Variants in OR51B5 observed in about 807,000 individuals in gnomAD.
The protein encoded by OR51B5 is olfactory receptor family 51 subfamily B member 5, also known as olfactory receptor 51B5.
For synonymous variants in OR51B5, 186 were observed against 144.8 expected, an observed-to-expected ratio of 1.28 and a Z score of -2.04; for missense variants, 456 against 374.6, an observed-to-expected ratio of 1.22 and a Z score of -1.79.
At chr11:5,370,709 C>A (rs576932922) in intron 1 of OR51B5, among the ~76,000 whole-genome samples, 2 of 151,998 alleles carry the variant, frequency 1.3e-5, no homozygotes, top group Admixed American at 6.6e-5. Flanking sequence ...ATTCTCTGTT[C>A]CTATGAAGCT....
In OR51B5 at chr11:5,472,618, G is replaced by A. The variant is rs189662888; in HGVS notation, n.84+32951C>T. Among the ~76,000 whole-genome samples the A allele has an allele frequency of 3.9e-3, 599 of 152,336 alleles. 13 individuals are homozygous for A. Among genetic ancestry groups the A allele is most frequent in the Admixed American group, 0.036 (556 of 15,308 alleles). On this transcript the variant is annotated intron_variant and non_coding_transcript_variant, in intron 1 of 4. Transcript: ENST00000415970. Reference sequence around the variant, plus strand: ...AAAATCTTGAGTGAAGGACTCCTCTGTGCTCTGCCATTTCTCCCACTTAGA... The same window carrying A: ...AAAATCTTGAGTGAAGGACTCCTCTATGCTCTGCCATTTCTCCCACTTAGA...
intron 1 of OR51B5, among the ~76,000 whole-genome samples, chr11:5,412,150 A>G (rs961794324): frequency 7.9e-5 from 12 of 152,340 alleles, no homozygotes; most frequent in African/African-American, 2.9e-4. Flanking sequence ...AAGGGACATT[A>G]CACTCTGTGG....
intron 1 of OR51B5, chr11:5,469,510 A>G (rs1298497479): frequency 6.6e-6 from 1 of 152,180 alleles, no homozygotes; most frequent in Non-Finnish European, 1.5e-5. Flanking sequence ...AGTGGTTGAT[A>G]TCTAAAACTA....
chr11:5,451,064 C>T (rs574751460), intron 1 of OR51B5, among the ~76,000 whole-genome samples: 23 of 152,284 alleles, frequency 1.5e-4, no homozygotes, highest in South Asian at 1.0e-3. Flanking sequence ...AAGTATTAAA[C>T]GAGAAAATAA....
intron 1 of OR51B5, among the ~76,000 whole-genome samples, chr11:5,381,536 TGAACAATC>T (rs1420898962): frequency 6.6e-6 from 1 of 152,224 alleles, no homozygotes; most frequent in Non-Finnish European, 1.5e-5. Context: ...GAAACTTCGT[TGAACAATC>T]TAACATCTTT....
intron 1 of OR51B5, among the ~76,000 whole-genome samples, chr11:5,364,765 G>A (rs1031584967): frequency 1.3e-5 from 2 of 152,042 alleles, no homozygotes. Context: ...TTGTTTACAG[G>A]GTCCCCCCAC....
chr11:5,358,928 T>G (rs919052855), intron 1 of OR51B5, among the ~76,000 whole-genome samples: 10 of 151,664 alleles, frequency 6.6e-5, no homozygotes, highest in African/African-American at 2.4e-4. Flanking sequence ...AAAAGGCCTT[T>G]GACAAAATTC....
At chr11:5,427,605 C>A (rs752100978) in intron 1 of OR51B5, among the ~76,000 whole-genome samples, 5 of 152,092 alleles carry the variant, frequency 3.3e-5, no homozygotes, top group Non-Finnish European at 7.4e-5. Flanking sequence ...GAAGTGACGA[C>A]AATCCAGTAG....
chr11:5,351,456 G>T, intron 1 of OR51B5: 2 of 1,429,840 alleles, frequency 1.4e-6, no homozygotes, highest in East Asian at 2.3e-5. Flanking sequence ...TTATACAACT[G>T]ATTACTATTG....
chr11:5,412,501 G>A (rs560197591), intron 1 of OR51B5, among the ~76,000 whole-genome samples: 96 of 152,312 alleles, frequency 6.3e-4, no homozygotes, highest in Non-Finnish European at 1.1e-3. Flanking sequence ...TGCCTCACTC[G>A]GGAAGCGCAA....
At chr11:5,441,940 A>C (rs889316204) in intron 1 of OR51B5, among the ~76,000 whole-genome samples, 1 of 152,148 alleles carries the variant, frequency 6.6e-6, no homozygotes, top group African/African-American at 2.4e-5. Context: ...CAGCCTCCCA[A>C]TCCCAATGGC....
Position 5,359,724 on chromosome 11 carries a change from C to G in OR51B5, n.85-12814G>C, listed in dbSNP as rs376613552. On this transcript the variant is annotated intron_variant and non_coding_transcript_variant, in intron 1 of 4. Transcript: ENST00000415970. The stretch of plus-strand genomic sequence containing the variant: ...CAAAAGAACAAAGCTGGAGGCATCA[C>G]GCTACCTGACTTCAAACTATACTAC... 1.0e-3 allele frequency among the ~76,000 whole-genome samples: 154 copies of G among 150,604 alleles called. 2 individuals are homozygous for G. In the South Asian group the frequency reaches 0.022, roughly 21 times the overall value.
In OR51B5 at chr11:5,361,507, TA is replaced by T. The variant is rs576526919; in HGVS notation, n.85-14598del. Among the ~76,000 whole-genome samples the T allele has an allele frequency of 1.2e-3, 183 of 152,314 alleles. 1 individual carries two copies. The highest frequency in any genetic ancestry group is 4.2e-3 in the African/African-American group (173 of 41,570). On this transcript the variant is annotated intron_variant and non_coding_transcript_variant, in intron 1 of 4. Coordinates refer to the OR51B5 transcript ENST00000415970. The stretch of plus-strand genomic sequence containing the variant: ...ATGAACAGACTTATGAACAGGTCGG[TA>T]AAGAACTCCAGTGTGTCTTGGCCTA...
chr11:5,486,944 C>T (rs998402542), intron 1 of OR51B5, among the ~76,000 whole-genome samples: 2 of 152,070 alleles, frequency 1.3e-5, no homozygotes, highest in African/African-American at 4.8e-5. Flanking sequence ...AAGGGGACTT[C>T]CTAATTCCAC....
At chr11:5,434,508 T>A (rs1780834337) in intron 1 of OR51B5, among the ~76,000 whole-genome samples, 1 of 152,154 alleles carries the variant, frequency 6.6e-6, no homozygotes, top group Non-Finnish European at 1.5e-5. Context: ...CAGAAGGGCT[T>A]GGCAGGACTC....
At chr11:5,366,404 C>T (rs534228289) in intron 1 of OR51B5, among the ~76,000 whole-genome samples, 1 of 151,988 alleles carries the variant, frequency 6.6e-6, no homozygotes, top group Non-Finnish European at 1.5e-5. Context: ...GGCAAGAGTT[C>T]GAGACCAGCC....
At chr11:5,384,391 C>G (rs1238402268) in intron 1 of OR51B5, among the ~76,000 whole-genome samples, 184 of 152,294 alleles carry the variant, frequency 1.2e-3, no homozygotes, top group African/African-American at 4.2e-3. Flanking sequence ...CCAGGGTTCT[C>G]ACAGAATCTC....
chr11:5,431,382 C>A (rs1850533396), intron 1 of OR51B5: 1 of 244,960 alleles, frequency 4.1e-6, no homozygotes, highest in South Asian at 5.9e-5. Flanking sequence ...CACAGAGACG[C>A]CCACCTCAGT....
At position 5,427,436 on chromosome 11, in the gene OR51B5, A is replaced by G. The variant is rs527602285; in HGVS notation, n.84+78133T>C. Among the ~76,000 whole-genome samples, 81 of 152,368 alleles carry G rather than the reference A, an allele frequency of 5.3e-4. 3 individuals carry two copies. In the South Asian group the frequency reaches 0.016, roughly 30 times the overall value. On this transcript the variant is annotated intron_variant and non_coding_transcript_variant, in intron 1 of 4. Coordinates refer to the OR51B5 transcript ENST00000415970. ...TAGAAGGTTACAGACACAAGGGGAAAAGCCTTGAATGAACCATGAATTAGA... is the reference window on the plus strand; with the variant it reads ...TAGAAGGTTACAGACACAAGGGGAAGAGCCTTGAATGAACCATGAATTAGA...
Sources: allele counts gnomAD v4.1 joint callset (sites outside exome capture counted in the v4.1 genomes callset), GRCh38; gene constraint gnomAD v4.1.1; transcripts MANE v1.5; gene names NCBI Gene and HGNC (gene_info 2026-07-23, HGNC 2026-07-21).